The following ST6GALNAC3 variants were observed in gnomAD, a reference collection of about 807,000 sequenced individuals.
The protein encoded by ST6GALNAC3 is ST6 N-acetylgalactosaminide alpha-2,6-sialyltransferase 3.
In ST6GALNAC3, 25 loss-of-function variants were observed where a neutral mutation model predicts 32.7. The ratio of observed to expected loss-of-function variants is 0.76; its 90% CI spans 0.56 to 1.07. The LOEUF (loss-of-function observed/expected upper bound fraction) is 1.07, where lower values mean the gene tolerates loss of function less well. Among genes scored for constraint, ST6GALNAC3 ranks in the 50% least tolerant of loss-of-function variants. ST6GALNAC3 has a pLI of 0.00. For synonymous variants in ST6GALNAC3, 129 were observed against 133.1 expected, an observed-to-expected ratio of 0.97 and a Z score of 0.21; for missense variants, 355 against 382.4, an observed-to-expected ratio of 0.93 and a Z score of 0.60.
chr1:76,255,031 T>TC lies in ST6GALNAC3; in HGVS notation c.19-58774_19-58773insC, dbSNP rs1340079917. 6.9e-3 allele frequency among the ~76,000 whole-genome samples: 49 copies of TC among 7,140 alleles called. 1 individual carries two copies. The South Asian group carries it at 0.074, about 11-fold the overall frequency. 4.7% of individuals were successfully genotyped at this position (7,140 alleles called of 152,430 possible). On this transcript the variant is annotated intron_variant, in intron 1 of 4. Transcript: ENST00000328299. Reference sequence around the variant, plus strand: ...TGGTTTCTGCAAATCTCTCTCTCTCTTTTTTTTTTTTTAAACTGGCCCATT... The same window carrying TC: ...TGGTTTCTGCAAATCTCTCTCTCTCTCTTTTTTTTTTTTAAACTGGCCCATT...
In ST6GALNAC3 at chr1:76,412,209, A is replaced by T. The variant is rs1160655982; in HGVS notation, c.415A>T (p.Asn139Tyr). The T allele has an allele frequency of 1.9e-6, 3 of 1,613,682 alleles. No individual in the cohort carries two copies. The highest frequency in any genetic ancestry group is 2.5e-6 in the Non-Finnish European group (3 of 1,179,810). ...TACCAGCGTTCCTCTTTTGCTAAAA[A>T]ACCCTGATTATTTTTTCAAGGAAGC... ...SHTSVPLLLK[N>Y]PDYFFKEANT... The change falls in exon 3 of 5, where the codon AAC becomes TAC. Residue 139 changes from asparagine to tyrosine, a missense_variant. Coordinates refer to ENST00000328299, the MANE Select transcript of ST6GALNAC3 (RefSeq NM_152996.4).
At chr1:76,205,725 C>T (rs1410036218) in intron 1 of ST6GALNAC3, among the ~76,000 whole-genome samples, 1 of 152,162 alleles carries the variant, frequency 6.6e-6, no homozygotes, top group East Asian at 1.9e-4. Context: ...AAAAGCATTT[C>T]CACCTCTATG....
intron 3 of ST6GALNAC3, among the ~76,000 whole-genome samples, chr1:76,464,222 T>C (rs1212441772): frequency 1.3e-5 from 2 of 152,194 alleles, no homozygotes; most frequent in African/African-American, 4.8e-5. Context: ...TAGCTAATTT[T>C]CTGCCATGAT....
intron 1 of ST6GALNAC3, among the ~76,000 whole-genome samples, chr1:76,174,086 C>G (rs1380714671): frequency 6.6e-6 from 1 of 152,122 alleles, no homozygotes; most frequent in Non-Finnish European, 1.5e-5. Flanking sequence ...GGAACCAACC[C>G]AAATGCCCGT....
In ST6GALNAC3 at chr1:76,225,398, G is replaced by A. The variant is rs193128768; in HGVS notation, c.19-88407G>A. On this transcript the variant is annotated intron_variant, in intron 1 of 4. Coordinates refer to ENST00000328299, the MANE Select transcript of ST6GALNAC3 (RefSeq NM_152996.4). The stretch of plus-strand genomic sequence containing the variant: ...TTTTAAGTGATGTGTGTATTTGTCT[G>A]AATTAGTCTATCAGAAGTTTCTTTT... Among the ~76,000 whole-genome samples the A allele has an allele frequency of 2.0e-5, 3 of 152,240 alleles. No homozygotes were observed. The East Asian group carries it at 5.8e-4, about 29-fold the overall frequency.
At chr1:76,531,635 C>T (rs1309708347) in intron 3 of ST6GALNAC3, among the ~76,000 whole-genome samples, 1 of 152,072 alleles carries the variant, frequency 6.6e-6, no homozygotes, top group Admixed American at 6.6e-5. Context: ...ATGTGATTTG[C>T]CTCATTACAA....
At chr1:76,278,941 T>G (rs995028744) in intron 1 of ST6GALNAC3, among the ~76,000 whole-genome samples, 1 of 152,224 alleles carries the variant, frequency 6.6e-6, no homozygotes, top group South Asian at 2.1e-4. Flanking sequence ...CACAATTTTC[T>G]AAGCATTTGA....
chr1:76,385,940 A>G (rs1652061934), intron 2 of ST6GALNAC3, among the ~76,000 whole-genome samples: 1 of 152,088 alleles, frequency 6.6e-6, no homozygotes, highest in Admixed American at 6.6e-5. Flanking sequence ...AGTTTGCCAT[A>G]ATCAGCTTAG....
chr1:76,510,032 A>G (rs10873890), intron 3 of ST6GALNAC3, among the ~76,000 whole-genome samples: 53,256 of 152,020 alleles, frequency 0.35, 9,974 homozygotes, highest in South Asian at 0.48. Context: ...TATCAGCCTG[A>G]CGGTGACAGA....
At chr1:76,082,121 C>T (rs994317893) in intron 1 of ST6GALNAC3, among the ~76,000 whole-genome samples, 46 of 152,288 alleles carry the variant, frequency 3.0e-4, no homozygotes, top group African/African-American at 9.9e-4. Context: ...GAAAGCTTCT[C>T]CCCAGGAGAA....
intron 2 of ST6GALNAC3, among the ~76,000 whole-genome samples, chr1:76,368,549 C>A (rs1039435183): frequency 3.3e-5 from 5 of 151,616 alleles, no homozygotes; most frequent in Admixed American, 2.6e-4. Flanking sequence ...CTCTGCACTT[C>A]AGAGTATGAG....
At chr1:76,487,327 A>G (rs1467388482) in intron 3 of ST6GALNAC3, among the ~76,000 whole-genome samples, 3 of 152,138 alleles carry the variant, frequency 2.0e-5, no homozygotes, top group African/African-American at 7.2e-5. Flanking sequence ...GTGTTTTCCA[A>G]CTTGGTTCCA....
intron 3 of ST6GALNAC3, among the ~76,000 whole-genome samples, chr1:76,537,655 G>A (rs1547340): frequency 0.65 from 99,014 of 151,786 alleles, 34,043 homozygotes; most frequent in Non-Finnish European, 0.77. Flanking sequence ...ATATAAAAGC[G>A]TTAAACACAA....
At chr1:76,304,720 A>G (rs775014239) in intron 1 of ST6GALNAC3, among the ~76,000 whole-genome samples, 1 of 152,050 alleles carries the variant, frequency 6.6e-6, no homozygotes, top group Admixed American at 6.6e-5. Context: ...AGATTCACAG[A>G]AAAATAAGAG....
intron 2 of ST6GALNAC3, among the ~76,000 whole-genome samples, chr1:76,337,601 C>A (rs113773331): frequency 5.3e-4 from 81 of 152,188 alleles, no homozygotes; most frequent in Middle Eastern, 3.4e-3. Flanking sequence ...CTGGGGGTCA[C>A]GATCTCCTGG....
intron 2 of ST6GALNAC3, among the ~76,000 whole-genome samples, chr1:76,373,376 G>A (rs1650984180): frequency 1.3e-5 from 2 of 152,170 alleles, no homozygotes; most frequent in African/African-American, 4.8e-5. Flanking sequence ...TATATGTAAG[G>A]CACATGCACA....
chr1:76,623,296 A>G (rs970328717), intron 3 of ST6GALNAC3, among the ~76,000 whole-genome samples: 2 of 151,970 alleles, frequency 1.3e-5, no homozygotes, highest in Admixed American at 1.3e-4. Context: ...AAGGAGCAGC[A>G]GGGTGCAGAG....
intron 3 of ST6GALNAC3, among the ~76,000 whole-genome samples, chr1:76,600,835 A>G (rs944519028): frequency 7.2e-5 from 11 of 152,200 alleles, no homozygotes; most frequent in Non-Finnish European, 1.0e-4. Context: ...TATTTCATCA[A>G]AAAATTTCCT....
intron 3 of ST6GALNAC3, among the ~76,000 whole-genome samples, chr1:76,565,003 C>G (rs1390011088): frequency 6.6e-6 from 1 of 152,136 alleles, no homozygotes; most frequent in Non-Finnish European, 1.5e-5. Flanking sequence ...CAAGAAAATT[C>G]TTGCCCTTTT....
Sources: gnomAD v4.1 joint callset for allele counts (sites outside exome capture counted in the v4.1 genomes callset) on GRCh38, gnomAD v4.1.1 for gene constraint, MANE v1.5 for transcripts, NCBI Gene and HGNC (gene_info 2026-07-23, HGNC 2026-07-21) for gene names.